POU2F1: variants seen among roughly 807,000 people sequenced by gnomAD.
POU2F1 encodes POU domain, class 2, transcription factor 1.
POU2F1 carries 16 observed loss-of-function variants against 84.9 expected under a neutral mutation model. The ratio of observed to expected loss-of-function variants is 0.19; its 90% confidence interval spans 0.13 to 0.29. POU2F1 has a LOEUF of 0.29. Among genes scored for constraint, POU2F1 ranks in the 10% least tolerant of loss-of-function variants. The pLI is 1.00. For synonymous variants in POU2F1, 368 were observed against 368.3 expected, an observed-to-expected ratio of 1.00 and a Z score of 0.01; for missense variants, 738 against 942.6, an observed-to-expected ratio of 0.78 and a Z score of 2.84.
At chr1:167,340,621 TG>T (rs1657785446) in intron 2 of POU2F1, among the ~76,000 whole-genome samples, 1 of 151,692 alleles carries the variant, frequency 6.6e-6, no homozygotes, top group African/African-American at 2.4e-5. Context: ...TAATAGAAAC[TG>T]GGTTTCACCA....
rs1650505070 is a variant in POU2F1 at position 167,419,279 on chromosome 1, AAAG to A, written c.*3475_*3477del. ...GTGTTTGGTGGAGTTTCTGCATTTC[AAAG>A]AAGAAAGGCCAGATAGGTCATCACA... On this transcript the variant is annotated 3_prime_UTR_variant, in exon 16 of 16. Transcript: ENST00000367866. 6.6e-6 allele frequency: 1 copy of A among 152,242 alleles called. No homozygotes were observed. Among genetic ancestry groups the A allele is most frequent in the African/African-American group, 2.4e-5 (1 of 41,454 alleles). The allele number at this position is 152,242 out of a possible 1,614,324, so 9.4% of individuals were successfully genotyped here.
intron 13 of POU2F1, among the ~76,000 whole-genome samples, chr1:167,406,553 A>G (rs1649589604): frequency 6.6e-6 from 1 of 152,202 alleles, no homozygotes; most frequent in Admixed American, 6.5e-5. Context: ...AACGGAAGAC[A>G]ATTTGGAAAG....
intron 1 of POU2F1, among the ~76,000 whole-genome samples, chr1:167,285,587 C>T (rs889958154): frequency 7.4e-5 from 11 of 149,468 alleles, no homozygotes; most frequent in South Asian, 2.1e-4. Context: ...ACAGAGACTC[C>T]GTCTCAAAAA....
At chr1:167,341,351 A>C (rs1391226238) in intron 2 of POU2F1, among the ~76,000 whole-genome samples, 1 of 152,202 alleles carries the variant, frequency 6.6e-6, no homozygotes, top group African/African-American at 2.4e-5. Context: ...GTAATGTGAA[A>C]AGTTGTTTTA....
chr1:167,257,635 G>A (rs758219826), intron 1 of POU2F1, among the ~76,000 whole-genome samples: 3 of 152,132 alleles, frequency 2.0e-5, no homozygotes, highest in East Asian at 1.9e-4. Flanking sequence ...TTGCATTGTA[G>A]GAAATATTAA....
At chr1:167,234,769 A>C (rs1366214781) in intron 1 of POU2F1, among the ~76,000 whole-genome samples, 1 of 152,136 alleles carries the variant, frequency 6.6e-6, no homozygotes, top group East Asian at 1.9e-4. Flanking sequence ...AGCTAATTAC[A>C]CATGTTAACC....
At chr1:167,347,953 T>C (rs1658305794) in intron 2 of POU2F1, among the ~76,000 whole-genome samples, 1 of 152,200 alleles carries the variant, frequency 6.6e-6, no homozygotes, top group African/African-American at 2.4e-5. Flanking sequence ...GACATTTGGG[T>C]TGTTTCCACT....
At chr1:167,359,624 T>C (rs944509699) in intron 2 of POU2F1, among the ~76,000 whole-genome samples, 1 of 152,208 alleles carries the variant, frequency 6.6e-6, no homozygotes, top group Non-Finnish European at 1.5e-5. Flanking sequence ...CTGTTGTGAA[T>C]AGTGCTGTGA....
intron 1 of POU2F1, among the ~76,000 whole-genome samples, chr1:167,259,871 GA>G (rs1651422156): frequency 6.6e-6 from 1 of 151,772 alleles, no homozygotes; most frequent in Non-Finnish European, 1.5e-5. Flanking sequence ...TATGCTTATT[GA>G]TCATTGCGTT....
rs577843339 is a variant in POU2F1 at position 167,331,723 on chromosome 1, C to A, written c.62-747C>A. On this transcript the variant is annotated intron_variant, in intron 1 of 15. Transcript: ENST00000367866. ...GAAAACATTTTACTGTGGAAATAAA[C>A]CTTCATTAAGTAGATAACCCAGAAA... 6.6e-5 allele frequency among the ~76,000 whole-genome samples: 10 copies of A among 152,082 alleles called. No individual in the cohort carries two copies. In the South Asian group the frequency reaches 1.0e-3, roughly 16 times the overall value.
At chr1:167,224,243 A>G (rs1164275853) in intron 1 of POU2F1, among the ~76,000 whole-genome samples, 2 of 152,208 alleles carry the variant, frequency 1.3e-5, no homozygotes, top group Non-Finnish European at 2.9e-5. Context: ...ACCCATATAA[A>G]TGTTTGTTGT....
Position 167,426,090 on chromosome 1 carries a change from A to G in POU2F1, c.*10280A>G, listed in dbSNP as rs1318206883. 1 of 152,168 alleles carries G rather than the reference A, an allele frequency of 6.6e-6. No homozygotes were observed. The highest frequency in any genetic ancestry group is 1.5e-5 in the Non-Finnish European group (1 of 68,024). 9.4% of individuals were successfully genotyped at this position (152,168 alleles called of 1,614,324 possible). On this transcript the variant is annotated 3_prime_UTR_variant, in exon 16 of 16. Coordinates refer to ENST00000367866, the MANE Select transcript of POU2F1 (RefSeq NM_002697.4). ...CCAAAGCAAAATCCAAATGTTAATA[A>G]TATTAGCCTGATGCAGATACCAAAG... is the stretch of plus-strand genomic sequence containing the variant.
chr1:167,341,843 G>A (rs1657881267), intron 2 of POU2F1, among the ~76,000 whole-genome samples: 1 of 152,188 alleles, frequency 6.6e-6, no homozygotes, highest in Non-Finnish European at 1.5e-5. Flanking sequence ...GTTTTGTTGA[G>A]CGGTGGAGGT....
chr1:167,334,489 C>T (rs1657302186), intron 2 of POU2F1, among the ~76,000 whole-genome samples: 1 of 152,098 alleles, frequency 6.6e-6, no homozygotes, highest in African/African-American at 2.4e-5. Flanking sequence ...GAAATAAAGT[C>T]AGGTTTAGGA....
At chr1:167,413,162 AGTGTGT>A (rs59744507) in intron 15 of POU2F1, 48 bp downstream of exon 15, 38,459 of 942,670 alleles carry the variant, frequency 0.041, 12 homozygotes, top group East Asian at 0.095. Flanking sequence ...CGTGTGTGTG[AGTGTGT>A]GTGTGTGTGT....
intron 1 of POU2F1, among the ~76,000 whole-genome samples, chr1:167,250,192 G>A (rs763784004): frequency 1.4e-4 from 21 of 152,050 alleles, no homozygotes; most frequent in Non-Finnish European, 2.2e-4. Context: ...GGAAAATAGA[G>A]AAGAGAAAAA....
intron 1 of POU2F1, among the ~76,000 whole-genome samples, chr1:167,252,501 G>T (rs1399745641): frequency 2.0e-5 from 3 of 152,168 alleles, no homozygotes; most frequent in African/African-American, 4.8e-5. Flanking sequence ...ACCGCGCCCG[G>T]CCTGAATCTG....
chr1:167,321,379 C>T (rs1039075016), intron 1 of POU2F1, among the ~76,000 whole-genome samples: 1 of 152,150 alleles, frequency 6.6e-6, no homozygotes, highest in African/African-American at 2.4e-5. Flanking sequence ...AGTAAAGAAA[C>T]AGTCTTTTAA....
chr1:167,364,052 A>G lies in POU2F1; in HGVS notation c.128-1415A>G, dbSNP rs114413631. 6.7e-3 allele frequency among the ~76,000 whole-genome samples: 1,021 copies of G among 152,320 alleles called. 8 individuals carry two copies. Among genetic ancestry groups the G allele is most frequent in the African/African-American group, 0.023 (969 of 41,572 alleles). The stretch of plus-strand genomic sequence containing the variant: ...GTGTAGAACCATATCCATGGTCTAG[A>G]CAATTCTTAGAGATTCCTGTGGCCT... On this transcript the variant is annotated intron_variant, in intron 2 of 15. Coordinates refer to ENST00000367866, the MANE Select transcript of POU2F1 (RefSeq NM_002697.4).
Sources: allele counts gnomAD v4.1 joint callset (sites outside exome capture counted in the v4.1 genomes callset), GRCh38; gene constraint gnomAD v4.1.1; transcripts MANE v1.5; gene names NCBI Gene and HGNC (gene_info 2026-07-23, HGNC 2026-07-21).